CDH12: variants seen among roughly 807,000 people sequenced by gnomAD.
CDH12 encodes cadherin 12.
A neutral mutation model predicts 74.1 loss-of-function variants in CDH12; 41 were observed. The observed-to-expected ratio is 0.55, with a 90% CI of 0.43 to 0.72. The LOEUF (loss-of-function observed/expected upper bound fraction) is 0.72. CDH12 is among the 30% of genes least tolerant of loss of function. The pLI, the probability that CDH12 is intolerant of heterozygous loss-of-function variation, is 0.00. For synonymous variants in CDH12, 399 were observed against 355.0 expected (o/e 1.12, Z -1.39); for missense variants, 945 against 977.2 (o/e 0.97, Z 0.44).
chr5:21,956,644 A>G (rs1474970416), intron 6 of CDH12, among the ~76,000 whole-genome samples: 1 of 151,604 alleles, frequency 6.6e-6, no homozygotes, highest in Admixed American at 6.6e-5. Flanking sequence ...GGCTATTGAC[A>G]TTTTCTTTGG....
intron 3 of CDH12, among the ~76,000 whole-genome samples, chr5:22,248,639 C>T (rs1164919792): frequency 1.3e-5 from 2 of 152,076 alleles, no homozygotes; most frequent in African/African-American, 4.8e-5. Flanking sequence ...ATGTAAGATA[C>T]AGGAACAGAA....
intron 4 of CDH12, among the ~76,000 whole-genome samples, chr5:22,180,221 C>G (rs1208118836): frequency 6.6e-6 from 1 of 152,112 alleles, no homozygotes; most frequent in Non-Finnish European, 1.5e-5. Context: ...TCCTACCTAA[C>G]TCACCCTACA....
chr5:22,009,635 A>C lies in CDH12; in HGVS notation c.232-34250T>G, dbSNP rs141126012. Among the ~76,000 whole-genome samples, 1,306 of 152,264 alleles carry C rather than the reference A, an allele frequency of 8.6e-3. 17 individuals carry two copies. Among genetic ancestry groups the C allele is most frequent in the African/African-American group, 0.03 (1,230 of 41,544 alleles). ...CTCAACTGTGCAGTAAAAATAAATAAATCATTAATTTTGACATTTTTATTT... is the reference window on the plus strand; with the variant it reads ...CTCAACTGTGCAGTAAAAATAAATACATCATTAATTTTGACATTTTTATTT... On this transcript the variant is annotated intron_variant, in intron 5 of 14. Transcript: ENST00000382254.
At chr5:22,641,471 C>G (rs1739148800) in intron 1 of CDH12, among the ~76,000 whole-genome samples, 1 of 152,128 alleles carries the variant, frequency 6.6e-6, no homozygotes, top group Admixed American at 6.5e-5. Context: ...CCCACTTGGT[C>G]TGCTGAATCA....
intron 1 of CDH12, among the ~76,000 whole-genome samples, chr5:22,709,249 C>T (rs1229932098): frequency 2.0e-5 from 3 of 151,934 alleles, no homozygotes; most frequent in African/African-American, 2.4e-5. Context: ...AAATAATAAC[C>T]GGAAAAAGAT....
At chr5:22,708,569 G>T (rs1417673542) in intron 1 of CDH12, among the ~76,000 whole-genome samples, 1 of 152,106 alleles carries the variant, frequency 6.6e-6, no homozygotes, top group African/African-American at 2.4e-5. Context: ...CAGGGTAAAA[G>T]AAAGCAGGAC....
intron 3 of CDH12, among the ~76,000 whole-genome samples, chr5:22,330,386 A>C (rs1223086647): frequency 6.6e-6 from 1 of 152,092 alleles, no homozygotes; most frequent in African/African-American, 2.4e-5. Context: ...TTGGGCTATG[A>C]GATGCACTGG....
intron 1 of CDH12, among the ~76,000 whole-genome samples, chr5:22,822,258 A>C (rs1749743357): frequency 6.6e-6 from 1 of 152,242 alleles, no homozygotes; most frequent in African/African-American, 2.4e-5. Context: ...CTTACCTGTT[A>C]AACCTAAAAC....
chr5:22,256,879 A>G (rs1052981925), intron 3 of CDH12, among the ~76,000 whole-genome samples: 3 of 152,202 alleles, frequency 2.0e-5, no homozygotes, highest in African/African-American at 7.2e-5. Context: ...TTTTAAAGAC[A>G]CATGCAAGTG....
chr5:22,271,253 A>G (rs999825366), intron 3 of CDH12, among the ~76,000 whole-genome samples: 1 of 152,192 alleles, frequency 6.6e-6, no homozygotes, highest in Non-Finnish European at 1.5e-5. Flanking sequence ...AGTAGATTCT[A>G]GCTCAAGAAA....
intron 4 of CDH12, among the ~76,000 whole-genome samples, chr5:22,185,646 G>A (rs1430587243): frequency 6.6e-6 from 1 of 152,124 alleles, no homozygotes; most frequent in Non-Finnish European, 1.5e-5. Context: ...GAAAGTCCTA[G>A]TGCTTATTTG....
intron 8 of CDH12, among the ~76,000 whole-genome samples, chr5:21,830,472 A>T (rs1304236665): frequency 6.6e-6 from 1 of 152,182 alleles, no homozygotes; most frequent in Non-Finnish European, 1.5e-5. Context: ...TATAATTTAT[A>T]AGCCAAACAG....
chr5:22,519,118 G>C (rs1203442055), intron 1 of CDH12, among the ~76,000 whole-genome samples: 2 of 152,050 alleles, frequency 1.3e-5, no homozygotes, highest in African/African-American at 4.8e-5. Flanking sequence ...GACCAGATTG[G>C]GGTGCCCTTT....
chr5:22,136,035 C>A (rs1161346908), intron 4 of CDH12, among the ~76,000 whole-genome samples: 1 of 151,856 alleles, frequency 6.6e-6, no homozygotes, highest in Non-Finnish European at 1.5e-5. Flanking sequence ...GAAGAATAAA[C>A]TAAACAGAAG....
In CDH12 at chr5:22,024,258, C is replaced by T. The variant is rs560958532; in HGVS notation, c.232-48873G>A. Among the ~76,000 whole-genome samples the T allele has an allele frequency of 2.6e-5, 4 of 152,196 alleles. No homozygotes were observed. The South Asian group carries it at 6.2e-4, about 24-fold the overall frequency. On this transcript the variant is annotated intron_variant, in intron 5 of 14. Coordinates refer to ENST00000382254, the MANE Select transcript of CDH12 (RefSeq NM_004061.5). ...GTTTGTCCCTTTTTCTTCCAGAATG[C>T]TACCCAATAATCCTTTAGAGCTGCA...
intron 1 of CDH12, among the ~76,000 whole-genome samples, chr5:22,598,686 G>A (rs1201897456): frequency 6.6e-6 from 1 of 152,150 alleles, no homozygotes; most frequent in Non-Finnish European, 1.5e-5. Context: ...AAGAATTATA[G>A]TAAAGCCTCT....
At chr5:22,110,260 G>A (rs1275268933) in intron 4 of CDH12, among the ~76,000 whole-genome samples, 1 of 152,146 alleles carries the variant, frequency 6.6e-6, no homozygotes, top group East Asian at 1.9e-4. Context: ...ATATGCCAGA[G>A]CACCCTATTT....
At chr5:21,872,721 C>A (rs1217579856) in intron 6 of CDH12, among the ~76,000 whole-genome samples, 1 of 152,036 alleles carries the variant, frequency 6.6e-6, no homozygotes, top group Non-Finnish European at 1.5e-5. Context: ...TTAATGTACA[C>A]CCTACATACC....
intron 1 of CDH12, among the ~76,000 whole-genome samples, chr5:22,538,471 A>T (rs775277611): frequency 6.6e-6 from 1 of 152,158 alleles, no homozygotes; most frequent in Non-Finnish European, 1.5e-5. Context: ...AGGCTGCTTT[A>T]TGCATTGTGA....
Sources: allele counts gnomAD v4.1 joint callset (sites outside exome capture counted in the v4.1 genomes callset), GRCh38; gene constraint gnomAD v4.1.1; transcripts MANE v1.5; gene names NCBI Gene and HGNC (gene_info 2026-07-23, HGNC 2026-07-21).